Variants in MINDY4 observed in about 807,000 individuals in gnomAD.
MINDY4 encodes MINDY lysine 48 deubiquitinase 4.
In MINDY4, 68 loss-of-function variants were observed where a neutral mutation model predicts 87.0. The observed-to-expected ratio is 0.78, with a 90% CI of 0.64 to 0.96. The LOEUF is 0.96. Ranked by LOEUF, MINDY4 falls within the 40% of genes least tolerant of loss-of-function variation. MINDY4 has a pLI of 0.00. For synonymous variants in MINDY4, 379 were observed against 363.2 expected (o/e 1.04, Z -0.50); for missense variants, 919 against 928.2 (o/e 0.99, Z 0.13).
intron 13 of MINDY4, among the ~76,000 whole-genome samples, chr7:30,867,956 A>G (rs936486366): frequency 6.6e-6 from 1 of 152,186 alleles, no homozygotes; most frequent in Non-Finnish European, 1.5e-5. Context: ...CTAAGTGAAG[A>G]CACAAGCTGA....
Position 30,892,133 on chromosome 7 carries a change from TC to T in MINDY4, c.*130del. 2 of 968,974 alleles carry T rather than the reference TC, an allele frequency of 2.1e-6. No homozygotes were observed. The highest frequency in any genetic ancestry group is 3.3e-6 in the Non-Finnish European group (2 of 613,424). The allele number at this position is 968,974 out of a possible 1,614,324, so 60.0% of individuals were successfully genotyped here. On this transcript the variant is annotated 3_prime_UTR_variant, in exon 18 of 18. Coordinates refer to ENST00000265299, the MANE Select transcript of MINDY4 (RefSeq NM_032222.3). ...CTGGGTCAGCATGACTGCAGAAGCA[TC>T]CAGAGCCTCCCTGCCCCTTCCATGA...
At chr7:30,858,682 A>T (rs1250913868) in intron 12 of MINDY4, 3 of 159,890 alleles carry the variant, frequency 1.9e-5, no homozygotes, top group African/African-American at 7.2e-5. Context: ...AATTTAAGAC[A>T]TGCATCTACA....
chr7:30,857,573 C>T (rs1789616735), intron 12 of MINDY4, among the ~76,000 whole-genome samples: 1 of 82,088 alleles, frequency 1.2e-5, no homozygotes, highest in Non-Finnish European at 2.0e-5. Context: ...CCCGGGTTCA[C>T]GCCATTCTCC....
chr7:30,856,763 G>A lies in MINDY4; in HGVS notation c.1678-2494G>A, dbSNP rs189140619. Among the ~76,000 whole-genome samples the A allele has an allele frequency of 2.4e-3, 370 of 151,976 alleles. 1 individual carries two copies. The highest frequency in any genetic ancestry group is 8.0e-3 in the African/African-American group (333 of 41,446). ...AGATTAGGTAGGCTTTCTATGGAAA[G>A]GGACACCGAGACCAAGAGCTTCGTG... On this transcript the variant is annotated intron_variant, in intron 12 of 17. Coordinates refer to ENST00000265299, the MANE Select transcript of MINDY4 (RefSeq NM_032222.3).
chr7:30,883,149 G>A (rs1024997475), intron 17 of MINDY4, among the ~76,000 whole-genome samples, 156 bp downstream of exon 17: 16 of 152,154 alleles, frequency 1.1e-4, no homozygotes, highest in Non-Finnish European at 2.1e-4. Context: ...TTCTCCACTC[G>A]TGGTCACTGG....
chr7:30,852,199 C>T lies in MINDY4; in HGVS notation c.1548-17C>T, dbSNP rs764176748. On this transcript the variant is annotated splice_polypyrimidine_tract_variant and intron_variant, in intron 10 of 17. Transcript: ENST00000265299. Reference sequence around the variant, plus strand: ...CTCTCCACTCAGAGGACTCATGCACCTTCCTTTCCTTTTTAGGGCTTCGAG... The same window carrying T: ...CTCTCCACTCAGAGGACTCATGCACTTTCCTTTCCTTTTTAGGGCTTCGAG... 8 of 1,613,930 alleles carry T rather than the reference C, an allele frequency of 5.0e-6. No homozygotes were observed. Among genetic ancestry groups the T allele is most frequent in the African/African-American group, 2.7e-5 (2 of 74,902 alleles).
At chr7:30,838,211 A>T (rs570530586) in intron 7 of MINDY4, among the ~76,000 whole-genome samples, 2 of 152,202 alleles carry the variant, frequency 1.3e-5, no homozygotes, top group African/African-American at 4.8e-5. Flanking sequence ...GAAGGGATTG[A>T]CCATTCTGGG....
intron 5 of MINDY4, among the ~76,000 whole-genome samples, chr7:30,808,834 A>G (rs1490174274): frequency 6.6e-6 from 1 of 151,986 alleles, no homozygotes; most frequent in Non-Finnish European, 1.5e-5. Context: ...CACCCCGCAC[A>G]ATGGCTGAGA....
chr7:30,856,025 C>T (rs1293323505), intron 12 of MINDY4, among the ~76,000 whole-genome samples: 1 of 152,222 alleles, frequency 6.6e-6, no homozygotes, highest in Non-Finnish European at 1.5e-5. Context: ...TCAATAGCCT[C>T]CTTGCTGTGT....
rs1420274876 is a variant in MINDY4, at chr7:30,859,367, T to G, written c.1745+43T>G. 1.9e-6 allele frequency: 3 copies of G among 1,584,056 alleles called. No individual in the cohort carries two copies. In the East Asian group the frequency reaches 6.7e-5, roughly 35 times the overall value. ...TCAACTCCCTGGGGCTGGGCTGGTCTGTCTTGTTCACTGCTGCCTCGCTAG... is the reference window on the plus strand; with the variant it reads ...TCAACTCCCTGGGGCTGGGCTGGTCGGTCTTGTTCACTGCTGCCTCGCTAG... On this transcript the variant is annotated intron_variant, in intron 13 of 17. Coordinates refer to ENST00000265299, the MANE Select transcript of MINDY4 (RefSeq NM_032222.3).
intron 13 of MINDY4, 79 bp from the exon 14 acceptor site, chr7:30,872,164 G>T (rs997191908): frequency 2.3e-6 from 3 of 1,326,296 alleles, no homozygotes; most frequent in South Asian, 1.2e-5. Context: ...GGAACCTAAG[G>T]GGAGCGCCTG....
In MINDY4 at chr7:30,882,355, A is replaced by G; in HGVS notation, c.2146A>G (p.Thr716Ala). Residue 716 changes from threonine (T) to alanine (A), a missense_variant, in exon 16 of 18, where the codon ACC becomes GCC. By Grantham distance (58) the Thr-to-Ala change is moderately conservative. Coordinates refer to ENST00000265299, the MANE Select transcript of MINDY4 (RefSeq NM_032222.3). ...LANQQEQIRL[T>A]IDTTQTISED... ...CAACCAGCAGGAGCAGATCCGGCTGACCATTGGTGCGGGCCCTCACCCCCC... is the reference window on the plus strand; with the variant it reads ...CAACCAGCAGGAGCAGATCCGGCTGGCCATTGGTGCGGGCCCTCACCCCCC... 1.3e-6 allele frequency: 2 copies of G among 1,589,120 alleles called. No homozygotes were observed. The highest frequency in any genetic ancestry group is 2.2e-5 in the South Asian group (2 of 88,944).
intron 17 of MINDY4, among the ~76,000 whole-genome samples, chr7:30,883,337 G>T (rs78584581): frequency 0.011 from 1,748 of 152,318 alleles, 30 homozygotes; most frequent in African/African-American, 0.04. Context: ...CAGGACAGGG[G>T]TGCTTACCTG....
chr7:30,782,768 C>T (rs1258266412), intron 3 of MINDY4, among the ~76,000 whole-genome samples: 1 of 152,016 alleles, frequency 6.6e-6, no homozygotes, highest in East Asian at 1.9e-4. Context: ...GCTGGCAAGT[C>T]TGAAATCTGT....
intron 17 of MINDY4, among the ~76,000 whole-genome samples, chr7:30,887,963 C>G (rs1215249814): frequency 1.3e-5 from 2 of 152,204 alleles, no homozygotes; most frequent in African/African-American, 4.8e-5. Context: ...AACTTTCACA[C>G]AGGCCTATTT....
At chr7:30,878,802 GCCACCAT>G (rs1790368213) in intron 15 of MINDY4, among the ~76,000 whole-genome samples, 1 of 152,196 alleles carries the variant, frequency 6.6e-6, no homozygotes, top group Non-Finnish European at 1.5e-5. Flanking sequence ...CTCAGAGATG[GCCACCAT>G]CCACCCATTT....
chr7:30,845,402 C>T (rs1341531165), intron 9 of MINDY4, among the ~76,000 whole-genome samples: 1 of 151,716 alleles, frequency 6.6e-6, no homozygotes, highest in Non-Finnish European at 1.5e-5. Flanking sequence ...ATAGTTTTCA[C>T]ATTGATTGAT....
At chr7:30,881,140 C>T (rs189953213) in intron 15 of MINDY4, among the ~76,000 whole-genome samples, 6 of 152,180 alleles carry the variant, frequency 3.9e-5, no homozygotes, top group Admixed American at 3.3e-4. Context: ...GCCCGTGGCA[C>T]GTACATAGCT....
intron 14 of MINDY4, among the ~76,000 whole-genome samples, chr7:30,873,004 A>G (rs1384009913): frequency 2.6e-5 from 4 of 152,246 alleles, no homozygotes; most frequent in Non-Finnish European, 5.9e-5. Flanking sequence ...AATGCGTAGC[A>G]TGGACGGGCT....
Sources: allele counts gnomAD v4.1 joint callset (sites outside exome capture counted in the v4.1 genomes callset), GRCh38; gene constraint gnomAD v4.1.1; transcripts MANE v1.5; gene names NCBI Gene and HGNC (gene_info 2026-07-23, HGNC 2026-07-21).